Variants in IQGAP3 observed in about 807,000 individuals in gnomAD.
The protein encoded by IQGAP3 is ras GTPase-activating-like protein IQGAP3.
In IQGAP3, 165 loss-of-function variants were observed where a neutral mutation model predicts 208.2. The observed-to-expected ratio is 0.79, with a 90% CI of 0.70 to 0.90. The LOEUF (loss-of-function observed/expected upper bound fraction) is 0.90. Ranked by LOEUF, IQGAP3 falls within the 40% of genes least tolerant of loss-of-function variation. The probability of loss-of-function intolerance (pLI) is 0.00; values close to 1 mark genes in which losing one functional copy is unlikely to be tolerated. For missense variants in IQGAP3, 1,811 were observed against 2,043.1 expected (o/e 0.89, Z 2.19); for synonymous variants, 703 against 803.6 (o/e 0.87, Z 2.12).
intron 11 of IQGAP3, among the ~76,000 whole-genome samples, chr1:156,560,390 C>T (rs763420767): frequency 1.3e-5 from 2 of 152,056 alleles, no homozygotes; most frequent in Non-Finnish European, 2.9e-5. Flanking sequence ...AGGTGCCTGT[C>T]AACCCAGCTA....
chr1:156,529,572 G>A (rs1167865578), intron 34 of IQGAP3, among the ~76,000 whole-genome samples: 1 of 152,100 alleles, frequency 6.6e-6, no homozygotes, highest in South Asian at 2.1e-4. Flanking sequence ...ATTACTTGAG[G>A]TCAGGAGTTT....
chr1:156,540,626 G>A, intron 23 of IQGAP3, 82 bp downstream of exon 23: 1 of 1,280,398 alleles, frequency 7.8e-7, no homozygotes, highest in Non-Finnish European at 1.1e-6. Flanking sequence ...GAAAAAAATT[G>A]ATTAGCAAGC....
At chr1:156,548,026 C>T (rs1349530734) in intron 19 of IQGAP3, 47 bp downstream of exon 19, 3 of 1,553,032 alleles carry the variant, frequency 1.9e-6, no homozygotes, top group East Asian at 2.3e-5. Context: ...ACCCTGGAGC[C>T]CAGATAAGCC....
At position 156,526,315 on chromosome 1, in the gene IQGAP3, A is replaced by G. The variant is rs879328302; in HGVS notation, c.*171T>C. ...CCCACTTTAGCCAATTAGAAGATAC[A>G]CTGTCTGTGGCCAGGCAGGCAAGCT... On this transcript the variant is annotated 3_prime_UTR_variant, in exon 38 of 38. Coordinates refer to ENST00000361170, the MANE Select transcript of IQGAP3 (RefSeq NM_178229.5). 2 of 607,040 alleles carry G rather than the reference A, an allele frequency of 3.3e-6. No individual in the cohort carries two copies. Among genetic ancestry groups the G allele is most frequent in the Non-Finnish European group, 5.9e-6 (2 of 338,910 alleles). The allele number at this position is 607,040 out of a possible 1,614,324, so 37.6% of individuals were successfully genotyped here. A position where few individuals can be genotyped will look rare whatever the true frequency, so the allele number is the denominator to read the frequency against.
chr1:156,548,037 C>T, intron 19 of IQGAP3, 36 bp downstream of exon 19: 1 of 1,592,164 alleles, frequency 6.3e-7, no homozygotes, highest in East Asian at 2.3e-5. Context: ...CAGATAAGCC[C>T]AGGCCCTGAA....
chr1:156,544,013 G>A lies in IQGAP3; in HGVS notation c.2498C>T (p.Ala833Val). 3 of 1,614,124 alleles carry A rather than the reference G, an allele frequency of 1.9e-6. No individual in the cohort carries two copies. Among genetic ancestry groups the A allele is most frequent in the Non-Finnish European group, 2.5e-6 (3 of 1,179,994 alleles). ...SIVKIQAFFR[A>V]RKAQDDYRIL... ...CCTGTAGTCATCTTGGGCTTTCCTG[G>A]CTCGGAAAAATGCCTGGATCTTCAC... The change falls in exon 22 of 38, where the codon GCC becomes GTC. Residue 833 changes from alanine to valine, a missense_variant. Coordinates refer to ENST00000361170, the MANE Select transcript of IQGAP3 (RefSeq NM_178229.5).
chr1:156,551,585 C>T (rs1675547859), intron 15 of IQGAP3, 120 bp downstream of exon 15: 3 of 1,071,182 alleles, frequency 2.8e-6, no homozygotes, highest in Admixed American at 2.9e-5. Context: ...ACACCCCCCT[C>T]ACCCCCACCC....
At chr1:156,559,755 C>A (rs1196959173) in intron 11 of IQGAP3, among the ~76,000 whole-genome samples, 2 of 152,156 alleles carry the variant, frequency 1.3e-5, no homozygotes, top group African/African-American at 4.8e-5. Context: ...GTTTGCTCGG[C>A]TGAATTGGAT....
intron 32 of IQGAP3, among the ~76,000 whole-genome samples, chr1:156,532,386 CAAA>C (rs11302550): frequency 2.3e-3 from 190 of 81,552 alleles, no homozygotes; most frequent in African/African-American, 7.8e-3. Context: ...GACTCCATCT[CAAA>C]AAAAAAAAAA....
At chr1:156,528,172 T>A in intron 36 of IQGAP3, 112 bp from the exon 37 acceptor site, 1 of 787,384 alleles carries the variant, frequency 1.3e-6, no homozygotes, top group South Asian at 1.6e-5. Context: ...CAGAACCAGT[T>A]TTCCCTCTGT....
At position 156,548,367 on chromosome 1, in the gene IQGAP3, A is replaced by G. The variant is rs775753469; in HGVS notation, c.2114T>C (p.Leu705Pro). The stretch of plus-strand genomic sequence containing the variant: ...GCCAACCTGGATCTCCTCCCGGGTC[A>G]GGTGAGAGGTGTTGAGGGGGCAGCC... ...PPGCPLNTSH[L>P]TREEIQSAVT... Residue 705 changes from leucine to proline, a missense_variant, in exon 18 of 38, where the codon CTG becomes CCG. Physicochemically the swap from Leu to Pro is moderately conservative, Grantham distance 98. Transcript: ENST00000361170. The G allele has an allele frequency of 6.2e-7, 1 of 1,613,776 alleles. No homozygotes were observed. The highest frequency in any genetic ancestry group is 8.5e-7 in the Non-Finnish European group (1 of 1,179,882).
intron 37 of IQGAP3, among the ~76,000 whole-genome samples, chr1:156,526,996 C>G (rs1394602299): frequency 2.6e-5 from 4 of 151,708 alleles, no homozygotes; most frequent in Non-Finnish European, 5.9e-5. Flanking sequence ...CCACGCCAGG[C>G]TAATTTTTGT....
intron 25 of IQGAP3, 129 bp downstream of exon 25, chr1:156,539,245 G>A: frequency 1.1e-6 from 1 of 945,590 alleles, no homozygotes; most frequent in Non-Finnish European, 1.6e-6. Flanking sequence ...TCCACAGGAG[G>A]TAGAGAAAAG....
At chr1:156,526,927 G>C (rs899201401) in intron 37 of IQGAP3, among the ~76,000 whole-genome samples, 2 of 152,026 alleles carry the variant, frequency 1.3e-5, no homozygotes, top group Non-Finnish European at 2.9e-5. Flanking sequence ...CCGCCTCCCA[G>C]GTTCAAGCGA....
chr1:156,564,983 C>G (rs1303924712), intron 4 of IQGAP3, among the ~76,000 whole-genome samples: 1 of 152,114 alleles, frequency 6.6e-6, no homozygotes. Context: ...TAAGCCATAT[C>G]CTCCAAAAAC....
intron 22 of IQGAP3, among the ~76,000 whole-genome samples, chr1:156,543,195 T>C (rs1675069186): frequency 6.7e-6 from 1 of 148,982 alleles, no homozygotes; most frequent in African/African-American, 2.5e-5. Flanking sequence ...AGGCTGGGGA[T>C]AGGGAAGGAG....
At chr1:156,532,025 T>C (rs370001240) in intron 32 of IQGAP3, among the ~76,000 whole-genome samples, 2 of 152,168 alleles carry the variant, frequency 1.3e-5, no homozygotes, top group East Asian at 3.9e-4. Flanking sequence ...CTGGGAGTCC[T>C]CCCTCACTTT....
chr1:156,534,507 T>C lies in IQGAP3; in HGVS notation c.3734A>G (p.Lys1245Arg). 1 of 1,568,320 alleles carries C rather than the reference T, an allele frequency of 6.4e-7. No individual in the cohort carries two copies. Among genetic ancestry groups the C allele is most frequent in the South Asian group, 1.2e-5 (1 of 85,130 alleles). ...GAGGAAAGGGACCCAAGACCTGAAC[T>C]TGAGGTGTGTTTCCTCCAGATAGTC... ...LNDYLEETHL[K>R]FRKFIHRACQ... The change falls in exon 29 of 38, where the codon AAG becomes AGG. Residue 1245 changes from lysine (K) to arginine (R), a missense_variant. Physicochemically the swap from Lys to Arg is conservative, Grantham distance 26 (BLOSUM62 2). Transcript: ENST00000361170.
At chr1:156,540,517 C>T (rs1674924890) in intron 23 of IQGAP3, among the ~76,000 whole-genome samples, 191 bp downstream of exon 23, 2 of 152,278 alleles carry the variant, frequency 1.3e-5, no homozygotes, top group South Asian at 4.1e-4. Flanking sequence ...GTTTCATGCT[C>T]TTTCTACTCT....
Sources: gnomAD v4.1 joint callset for allele counts (sites outside exome capture counted in the v4.1 genomes callset) on GRCh38, gnomAD v4.1.1 for gene constraint, MANE v1.5 for transcripts, NCBI Gene and HGNC (gene_info 2026-07-23, HGNC 2026-07-21) for gene names.